GPRASP2: variants seen among roughly 807,000 people sequenced by gnomAD.
GPRASP2 encodes the protein G protein-coupled receptor-associated sorting protein 2.
Under a neutral mutation model 36.0 loss-of-function variants are expected in GPRASP2, and 10 were observed. That is an observed-to-expected ratio of 0.28 (90% CI 0.17 to 0.47). The LOEUF (loss-of-function observed/expected upper bound fraction) is 0.47, where lower values mean the gene tolerates loss of function less well. GPRASP2 is among the 20% of genes least tolerant of loss of function. The pLI, the probability that GPRASP2 is intolerant of heterozygous loss-of-function variation, is 0.99. For synonymous variants in GPRASP2, 219 were observed against 230.5 expected, an observed-to-expected ratio of 0.95 and a Z score of 0.45; for missense variants, 538 against 626.7, an observed-to-expected ratio of 0.86 and a Z score of 1.51.
Position 102,716,434 on chromosome X carries a change from A to G in GPRASP2, c.1565A>G (p.Glu522Gly), listed in dbSNP as rs1196697405. 5.8e-6 allele frequency: 7 copies of G among 1,210,694 alleles called. No homozygotes were observed. Among genetic ancestry groups the G allele is most frequent in the Non-Finnish European group, 4.5e-6 (4 of 895,417 alleles). The change falls in exon 5 of 5, where the codon GAA (glutamate) becomes GGA (glycine). Residue 522 changes from glutamate to glycine, a missense_variant. This residue lies in a region of GPRASP2 where 262 missense variants were observed against 351.7 expected (regional missense o/e 0.74). Transcript: ENST00000483720. ...TTTGGAATTCCCGAAGAGGCTTCTG[A>G]AATGCTTGAGGCAAAGCCCAAGAAC... ...SPFGIPEEASEMLEAKPKNLE... is the reference protein window; with the variant it reads ...SPFGIPEEASGMLEAKPKNLE...
chrX:102,717,069 A>G lies in GPRASP2; in HGVS notation c.2200A>G (p.Thr734Ala). 8.3e-7 allele frequency: 1 copy of G among 1,203,466 alleles called. No homozygotes were observed. Among genetic ancestry groups the G allele is most frequent in the Non-Finnish European group, 1.1e-6 (1 of 889,207 alleles). ...CTTATTAACCACAGCCAATGCGAGA[A>G]CGAAGTTTCACGTTCTGAAAATGCT... is the stretch of plus-strand genomic sequence containing the variant. ...LSLLTTANAR[T>A]KFHVLKMLLN... The change falls in exon 5 of 5, where the codon ACG becomes GCG. Residue 734 changes from threonine (T) to alanine (A), a missense_variant. Thr to Ala is a moderately conservative substitution (Grantham distance 58). Transcript: ENST00000483720.
At chrX:102,714,151 C>G (rs188641020) in intron 3 of GPRASP2, 38 bp from the exon 4 acceptor site, 2 of 111,854 alleles carry the variant, frequency 1.8e-5, no homozygotes, top group East Asian at 5.7e-4. Context: ...ACCAAGCACT[C>G]ACACTCCATT....
chrX:102,713,522 C>T (rs1020793407), intron 2 of GPRASP2, among the ~76,000 whole-genome samples: 6 of 113,116 alleles, frequency 5.3e-5, no homozygotes, highest in African/African-American at 1.6e-4. Context: ...GGGGATGTGG[C>T]GCACCTAGTG....
Position 102,716,369 on chromosome X carries a change from T to C in GPRASP2, c.1500T>C (p.Pro500=). 4 of 1,211,966 alleles carry C rather than the reference T, an allele frequency of 3.3e-6. No individual in the cohort carries two copies. Among genetic ancestry groups the C allele is most frequent in the Non-Finnish European group, 3.3e-6 (3 of 895,598 alleles). ...ACGAGGTCACTGTTGAATTCAAACC[T>C]GGTCTTTTTCATGGGGTTGGCTTCC... ...TWDEVTVEFK[P]GLFHGVGFRS... is the part of the protein sequence containing the mutation. Residue 500 remains proline (P), a synonymous_variant, in exon 5 of 5, where the codon CCT becomes CCC. Coordinates refer to ENST00000483720, the MANE Select transcript of GPRASP2 (RefSeq NM_001004051.4).
In GPRASP2 at chrX:102,715,101, G is replaced by C; in HGVS notation, c.232G>C (p.Val78Leu). The C allele has an allele frequency of 8.2e-7, 1 of 1,212,501 alleles. No homozygotes were observed. Among genetic ancestry groups the C allele is most frequent in the South Asian group, 1.8e-5 (1 of 57,045 alleles). Residue 78 changes from valine to leucine, a missense_variant, in exon 5 of 5, where the codon GTC (valine) becomes CTC (leucine). Around this residue, in one of 2 missense-constraint regions of GPRASP2, gnomAD observed 276 missense variants for 275.0 expected, o/e 1.00. Transcript: ENST00000483720. ...AMSGARPKTE[V>L]QVMGGARPKT... ...GTCTGGGGCAAGGCCCAAAACTGAG[G>C]TCCAAGTAATGGGTGGTGCAAGACC...
Position 102,715,506 on chromosome X carries a change from A to G in GPRASP2, c.637A>G (p.Arg213Gly). The G allele has an allele frequency of 8.3e-7, 1 of 1,210,718 alleles. No individual in the cohort carries two copies. Among genetic ancestry groups the G allele is most frequent in the East Asian group, 3.0e-5 (1 of 33,762 alleles). The change falls in exon 5 of 5, where the codon AGG becomes GGG. Residue 213 changes from arginine (R) to glycine (G), a missense_variant. By Grantham distance (125) the Arg-to-Gly change is moderately radical. Coordinates refer to ENST00000483720, the MANE Select transcript of GPRASP2 (RefSeq NM_001004051.4). ...GGGGTCTTGGTGCTATTCCAGGCCC[A>G]GGGCCAGAGAGGAGGCCTCTAATGA... Reference protein sequence around the residue: ...NMGSWCYSRPRAREEASNESG... With the variant: ...NMGSWCYSRPGAREEASNESG...
At position 102,715,406 on chromosome X, in the gene GPRASP2, T is replaced by C; in HGVS notation, c.537T>C (p.Asp179=). 1 of 1,212,269 alleles carries C rather than the reference T, an allele frequency of 8.2e-7. No homozygotes were observed. The highest frequency in any genetic ancestry group is 1.1e-6 in the Non-Finnish European group (1 of 895,638). ...LSMDRELVNV[D]AETFPGTQGQ... is the part of the protein sequence containing the mutation. ...TGGATAGAGAACTAGTCAATGTGGA[T>C]GCTGAAACCTTTCCTGGCACCCAGG... Residue 179 remains aspartate (D), a synonymous_variant, in exon 5 of 5, where the codon GAT becomes GAC. Coordinates refer to ENST00000483720, the MANE Select transcript of GPRASP2 (RefSeq NM_001004051.4).
Position 102,717,566 on chromosome X carries a change from A to T in GPRASP2, c.*180A>T, listed in dbSNP as rs749077712. ...GATGCCAAATGAATATCAAAACTGA[A>T]AACACATTTGTTGATATTTGTCTTG... On this transcript the variant is annotated 3_prime_UTR_variant, in exon 5 of 5. Transcript: ENST00000483720. 46 of 687,698 alleles carry T rather than the reference A, an allele frequency of 6.7e-5. No homozygotes were observed. Among genetic ancestry groups the T allele is most frequent in the Admixed American group, 2.4e-4 (4 of 16,798 alleles). The allele number at this position is 687,698 out of a possible 1,213,427, so 56.7% of individuals were successfully genotyped here. A position where few individuals can be genotyped will look rare whatever the true frequency, so the allele number is the denominator to read the frequency against.
chrX:102,714,960 G>A lies in GPRASP2; in HGVS notation c.91G>A (p.Asp31Asn). The A allele has an allele frequency of 8.2e-7, 1 of 1,212,579 alleles. No individual in the cohort carries two copies. The highest frequency in any genetic ancestry group is 1.1e-6 in the Non-Finnish European group (1 of 895,711). The change falls in exon 5 of 5, where the codon GAT becomes AAT. Residue 31 changes from aspartate (D) to asparagine (N), a missense_variant. Physicochemically the swap from Asp to Asn is conservative, Grantham distance 23. Coordinates refer to ENST00000483720, the MANE Select transcript of GPRASP2 (RefSeq NM_001004051.4). ...EVIAGPERENDVPLVVRPKVR... is the reference protein window; with the variant it reads ...EVIAGPERENNVPLVVRPKVR... ...TATCGCTGGGCCTGAGAGAGAGAAT[G>A]ATGTCCCTCTGGTGGTCAGACCCAA...
Position 102,715,439 on chromosome X carries a change from A to C in GPRASP2, c.570A>C (p.Lys190Asn). The C allele has an allele frequency of 8.2e-7, 1 of 1,212,457 alleles. No individual in the cohort carries two copies. Among genetic ancestry groups the C allele is most frequent in the Non-Finnish European group, 1.1e-6 (1 of 895,658 alleles). ...CCTTTCCTGGCACCCAGGGTCAGAA[A>C]GGAATCCAGCCCTGGTTTGGACCAG... ...AETFPGTQGQKGIQPWFGPGE... is the reference protein window; with the variant it reads ...AETFPGTQGQNGIQPWFGPGE... Residue 190 changes from lysine to asparagine, a missense_variant, in exon 5 of 5, where the codon AAA (lysine) becomes AAC (asparagine). Physicochemically the swap from Lys to Asn is moderately conservative, Grantham distance 94 (BLOSUM62 0). Coordinates refer to ENST00000483720, the MANE Select transcript of GPRASP2 (RefSeq NM_001004051.4).
At position 102,715,128 on chromosome X, in the gene GPRASP2, A is replaced by G; in HGVS notation, c.259A>G (p.Lys87Glu). ...EVQVMGGARPKTEAQGITGAR... is the reference protein window; with the variant it reads ...EVQVMGGARPETEAQGITGAR... ...CCAAGTAATGGGTGGTGCAAGACCC[A>G]AAACGGAGGCTCAAGGAATCACAGG... is the stretch of plus-strand genomic sequence containing the variant. The change falls in exon 5 of 5, where the codon AAA (lysine) becomes GAA (glutamate). Residue 87 changes from lysine (K) to glutamate (E), a missense_variant. This residue lies in a region of GPRASP2 where 276 missense variants were observed against 275.0 expected (regional missense o/e 1.00). Coordinates refer to ENST00000483720, the MANE Select transcript of GPRASP2 (RefSeq NM_001004051.4). 8.2e-7 allele frequency: 1 copy of G among 1,212,560 alleles called. No individual in the cohort carries two copies. Among genetic ancestry groups the G allele is most frequent in the Non-Finnish European group, 1.1e-6 (1 of 895,668 alleles).
In GPRASP2 at chrX:102,715,623, T is replaced by C; in HGVS notation, c.754T>C (p.Ser252Pro). ...TGTCAGATCATGGCCCAGGGAAGAGTCCAATACCAGGTCCAGGCACAGGGC... is the reference window on the plus strand; with the variant it reads ...TGTCAGATCATGGCCCAGGGAAGAGCCCAATACCAGGTCCAGGCACAGGGC... ...TSVRSWPREE[S>P]NTRSRHRAKH... is the part of the protein sequence containing the mutation. Residue 252 changes from serine (S) to proline (P), a missense_variant, in exon 5 of 5, where the codon TCC (serine) becomes CCC (proline). Transcript: ENST00000483720. 8.3e-7 allele frequency: 1 copy of C among 1,209,383 alleles called. No homozygotes were observed. Among genetic ancestry groups the C allele is most frequent in the Admixed American group, 2.2e-5 (1 of 45,776 alleles).
chrX:102,713,697 T>A (rs1179907788), intron 2 of GPRASP2, 85 bp from the exon 3 acceptor site: 1 of 113,064 alleles, frequency 8.8e-6, no homozygotes, highest in Non-Finnish European at 1.9e-5. Context: ...GGGACTCTTA[T>A]CCTTGGCGTT....
In GPRASP2 at chrX:102,716,350, T is replaced by A; in HGVS notation, c.1481T>A (p.Val494Asp). The A allele has an allele frequency of 8.3e-7, 1 of 1,211,647 alleles. No individual in the cohort carries two copies. The highest frequency in any genetic ancestry group is 1.1e-6 in the Non-Finnish European group (1 of 895,513). The change falls in exon 5 of 5, where the codon GTC (valine) becomes GAC (aspartate). Residue 494 changes from valine to aspartate, a missense_variant. Val to Asp is a radical substitution (Grantham distance 152). Transcript: ENST00000483720. ...ASSRPQTWDE[V>D]TVEFKPGLFH... The stretch of plus-strand genomic sequence containing the variant: ...TCCAGGCCCCAAACCTGGGACGAGG[T>A]CACTGTTGAATTCAAACCTGGTCTT...
chrX:102,717,516 T>C lies in GPRASP2; in HGVS notation c.*130T>C. 1.1e-6 allele frequency: 1 copy of C among 905,672 alleles called. No individual in the cohort carries two copies. The highest frequency in any genetic ancestry group is 1.4e-6 in the Non-Finnish European group (1 of 712,822). The allele number at this position is 905,672 out of a possible 1,213,427, so 74.6% of individuals were successfully genotyped here. On this transcript the variant is annotated 3_prime_UTR_variant, in exon 5 of 5. Coordinates refer to ENST00000483720, the MANE Select transcript of GPRASP2 (RefSeq NM_001004051.4). ...TGCTGATGTTAACTTTGTCAAACTC[T>C]TGTTTTGAGCTGGATCATTTTGTGG...
In GPRASP2 at chrX:102,716,564, G is replaced by A. The variant is rs2081968454; in HGVS notation, c.1695G>A (p.Arg565=). The change falls in exon 5 of 5, where the codon CGG becomes CGA. Residue 565 remains arginine, a synonymous_variant. Transcript: ENST00000483720. ...ATGATCCTTCCTACCGGTCAGTCCGGGAAATTCGAGAGCATCTTAGGGCCA... is the reference window on the plus strand; with the variant it reads ...ATGATCCTTCCTACCGGTCAGTCCGAGAAATTCGAGAGCATCTTAGGGCCA... ...FQYDPSYRSV[R]EIREHLRARE... is the part of the protein sequence containing the mutation. 1 of 1,211,872 alleles carries A rather than the reference G, an allele frequency of 8.3e-7. No homozygotes were observed. The highest frequency in any genetic ancestry group is 1.1e-6 in the Non-Finnish European group (1 of 895,598).
chrX:102,714,950 G>A lies in GPRASP2; in HGVS notation c.81G>A (p.Glu27=), dbSNP rs1457699133. ...GGGAAGAGGTTATCGCTGGGCCTGA[G>A]AGAGAGAATGATGTCCCTCTGGTGG... is the stretch of plus-strand genomic sequence containing the variant. ...KAGEEVIAGP[E]RENDVPLVVR... Residue 27 remains glutamate (E), a synonymous_variant, in exon 5 of 5, where the codon GAG becomes GAA. Coordinates refer to ENST00000483720, the MANE Select transcript of GPRASP2 (RefSeq NM_001004051.4). The A allele has an allele frequency of 6.6e-6, 8 of 1,211,436 alleles. No individual in the cohort carries two copies. The highest frequency in any genetic ancestry group is 8.9e-6 in the Non-Finnish European group (8 of 895,564).
intron 2 of GPRASP2, 91 bp from the exon 3 acceptor site, chrX:102,713,691 C>T (rs2081914033): frequency 8.9e-6 from 1 of 112,968 alleles, no homozygotes; most frequent in Non-Finnish European, 1.9e-5. Flanking sequence ...AATATGGGGA[C>T]TCTTATCCTT....
In GPRASP2 at chrX:102,716,005, C is replaced by T. The variant is rs1213326445; in HGVS notation, c.1136C>T (p.Pro379Leu). The change falls in exon 5 of 5, where the codon CCC becomes CTC. Residue 379 changes from proline (P) to leucine (L), a missense_variant. Transcript: ENST00000483720. ...GACAGTGATAGGGTCAAACAAGAACCCAGGTTTGAGGAGGAAGTCATTATT... is the reference window on the plus strand; with the variant it reads ...GACAGTGATAGGGTCAAACAAGAACTCAGGTTTGAGGAGGAAGTCATTATT... ...DVDSDRVKQE[P>L]RFEEEVIIGS... is the part of the protein sequence containing the mutation. The T allele has an allele frequency of 1.7e-6, 2 of 1,207,972 alleles. No individual in the cohort carries two copies. The highest frequency in any genetic ancestry group is 4.4e-5 in the Admixed American group (2 of 45,453).
Sources: allele counts gnomAD v4.1 joint callset (sites outside exome capture counted in the v4.1 genomes callset), GRCh38; gene constraint gnomAD v4.1.1; regional missense constraint gnomAD v4.1.1; transcripts MANE v1.5; gene names NCBI Gene and HGNC (gene_info 2026-07-23, HGNC 2026-07-21).